The following FAM228B variants were observed in gnomAD, a reference collection of about 807,000 sequenced individuals.
The protein encoded by FAM228B is protein FAM228B.
In FAM228B, 38 loss-of-function variants were observed where a neutral mutation model predicts 42.6. The observed-to-expected ratio is 0.89, with a 90% confidence interval of 0.69 to 1.17. The LOEUF is 1.17. Ranked by LOEUF, FAM228B falls within the 50% of genes most tolerant of loss-of-function variation. The probability of loss-of-function intolerance (pLI) is 0.00; values close to 1 mark genes in which losing one functional copy is unlikely to be tolerated. For synonymous variants in FAM228B, 109 were observed against 122.3 expected, an observed-to-expected ratio of 0.89 and a Z score of 0.72; for missense variants, 344 against 367.3, an observed-to-expected ratio of 0.94 and a Z score of 0.52.
At chr2:24,094,747 T>G (rs955045726) in intron 2 of FAM228B, among the ~76,000 whole-genome samples, 22 of 152,206 alleles carry the variant, frequency 1.4e-4, no homozygotes, top group African/African-American at 5.3e-4. Flanking sequence ...CCTCTCTAAG[T>G]GCTGAGTTTA....
At chr2:24,115,293 G>A in intron 3 of FAM228B, 1 of 387,072 alleles carries the variant, frequency 2.6e-6, no homozygotes, top group Non-Finnish European at 4.8e-6. Flanking sequence ...AGCAAGGTGT[G>A]TAGGAGTACA....
intron 5 of FAM228B, among the ~76,000 whole-genome samples, chr2:24,143,300 C>T (rs1666801638): frequency 6.6e-6 from 1 of 151,900 alleles, no homozygotes; most frequent in Non-Finnish European, 1.5e-5. Flanking sequence ...CCTGCCTCAG[C>T]CTCCCGAGTA....
At chr2:24,154,249 G>C (rs1168790367) in intron 7 of FAM228B, among the ~76,000 whole-genome samples, 1 of 152,194 alleles carries the variant, frequency 6.6e-6, no homozygotes, top group African/African-American at 2.4e-5. Context: ...TCCAGTGCGG[G>C]GAATAAAGGG....
In FAM228B at chr2:24,169,454, G is replaced by T; in HGVS notation, c.*113G>T. Reference sequence around the variant, plus strand: ...GGAAGTCATCTGCTCACAGGAATCAGGGTGAAGGCCAAGGACGGCACTCAA... The same window carrying T: ...GGAAGTCATCTGCTCACAGGAATCATGGTGAAGGCCAAGGACGGCACTCAA... On this transcript the variant is annotated 3_prime_UTR_variant, in exon 11 of 11. Coordinates refer to ENST00000615575, the MANE Select transcript of FAM228B (RefSeq NM_001145710.2). The surrounding 1 kb of genome is among the most constrained non-coding windows in gnomAD (Gnocchi z 4.2). The T allele has an allele frequency of 2.4e-6, 1 of 416,346 alleles. No individual in the cohort carries two copies. The highest frequency in any genetic ancestry group is 5.4e-6 in the Non-Finnish European group (1 of 185,200). The allele number at this position is 416,346 out of a possible 1,614,324, so 25.8% of individuals were successfully genotyped here. A position where few individuals can be genotyped will look rare whatever the true frequency, so the allele number is the denominator to read the frequency against.
intron 7 of FAM228B, among the ~76,000 whole-genome samples, chr2:24,159,599 T>C (rs1667241309): frequency 6.6e-6 from 1 of 152,220 alleles, no homozygotes; most frequent in African/African-American, 2.4e-5. Context: ...AAGTTACCAA[T>C]AGGAGTTCGG....
chr2:24,096,661 G>T (rs927628780), intron 3 of FAM228B: 2 of 152,186 alleles, frequency 1.3e-5, no homozygotes, highest in African/African-American at 4.8e-5. Flanking sequence ...TGTTTGATTG[G>T]TGTACCTGGA....
In FAM228B at chr2:24,097,121, G is replaced by A. The variant is rs1172620582; in HGVS notation, c.-121+1892G>A. Reference sequence around the variant, plus strand: ...GGCCTGCCTTACGAGAGCTCCTAAAGGAAGCACTAAACATGGAAAGGAACA... The same window carrying A: ...GGCCTGCCTTACGAGAGCTCCTAAAAGAAGCACTAAACATGGAAAGGAACA... On this transcript the variant is annotated intron_variant, in intron 3 of 10. Transcript: ENST00000613899. 2.0e-5 allele frequency: 3 copies of A among 152,202 alleles called. No individual in the cohort carries two copies. The East Asian group carries it at 5.8e-4, about 29-fold the overall frequency. The allele number at this position is 152,202 out of a possible 1,614,324, so 9.4% of individuals were successfully genotyped here.
intron 8 of FAM228B, among the ~76,000 whole-genome samples, chr2:24,163,082 A>T (rs1236944353): frequency 2.0e-5 from 3 of 152,210 alleles, no homozygotes; most frequent in African/African-American, 7.2e-5. Flanking sequence ...ACACCTTATT[A>T]AAATTGTTCA....
Position 24,100,176 on chromosome 2 carries a change from C to A in FAM228B, c.-121+4947C>A, listed in dbSNP as rs555254255. On this transcript the variant is annotated intron_variant, in intron 3 of 10. Coordinates refer to the FAM228B transcript ENST00000613899. ...AAACCATAAAAACCCTAGAAGAAAA[C>A]CTAGGCAATACCATTCAGGACGTAG... is the stretch of plus-strand genomic sequence containing the variant. 3.3e-5 allele frequency among the ~76,000 whole-genome samples: 5 copies of A among 152,272 alleles called. No homozygotes were observed. In the East Asian group the frequency reaches 9.6e-4, roughly 29 times the overall value.
intron 3 of FAM228B, chr2:24,115,501 T>C (rs1665884828): frequency 2.5e-5 from 33 of 1,297,030 alleles, no homozygotes; most frequent in Non-Finnish European, 3.5e-5. Flanking sequence ...CTAGTGTTTT[T>C]TCAACCATAA....
chr2:24,085,488 T>G (rs1184817084), intron 2 of FAM228B, among the ~76,000 whole-genome samples: 2 of 152,136 alleles, frequency 1.3e-5, no homozygotes, highest in Non-Finnish European at 2.9e-5. Context: ...GTAGCACTCC[T>G]TGTAAATTCC....
At chr2:24,142,725 T>TC (rs1666784161) in intron 5 of FAM228B, 1 of 152,236 alleles carries the variant, frequency 6.6e-6, no homozygotes, top group Non-Finnish European at 1.5e-5. Flanking sequence ...CTACTGACAA[T>TC]ATTTGTTGCC....
At chr2:24,166,690 C>T (rs1667423261) in intron 9 of FAM228B, 4 of 148,958 alleles carry the variant, frequency 2.7e-5, no homozygotes, top group Non-Finnish European at 5.9e-5. Context: ...ATAAGGAAAA[C>T]AAAGCAGGTA....
chr2:24,149,819 A>C (rs1666984537), intron 7 of FAM228B, among the ~76,000 whole-genome samples: 1 of 152,208 alleles, frequency 6.6e-6, no homozygotes, highest in Non-Finnish European at 1.5e-5. Flanking sequence ...AGTGTGAGCC[A>C]CTGCACCTGG....
At chr2:24,160,671 T>C (rs1245190852) in intron 7 of FAM228B, among the ~76,000 whole-genome samples, 3 of 152,212 alleles carry the variant, frequency 2.0e-5, no homozygotes, top group African/African-American at 4.8e-5. Flanking sequence ...GTTCCTTTTC[T>C]TCTTCAAGCA....
At chr2:24,090,262 C>T (rs4665656) in intron 2 of FAM228B, among the ~76,000 whole-genome samples, 65,425 of 151,242 alleles carry the variant, frequency 0.43, 14,990 homozygotes, top group East Asian at 0.77. Context: ...AGTGAGACTC[C>T]GTCTCAAAAA....
chr2:24,139,872 A>G (rs1273314568), intron 5 of FAM228B, among the ~76,000 whole-genome samples: 5 of 152,174 alleles, frequency 3.3e-5, no homozygotes, highest in Non-Finnish European at 5.9e-5. Flanking sequence ...ATGTATTCAC[A>G]TTTTTATTTT....
At chr2:24,110,449 G>A (rs1425943728) in intron 3 of FAM228B, among the ~76,000 whole-genome samples, 1 of 152,152 alleles carries the variant, frequency 6.6e-6, no homozygotes, top group Non-Finnish European at 1.5e-5. Context: ...TGACTTCTGG[G>A]GAGGAAAAGT....
At chr2:24,082,657 G>A (rs1313069500) in intron 2 of FAM228B, among the ~76,000 whole-genome samples, 2 of 152,088 alleles carry the variant, frequency 1.3e-5, no homozygotes, top group Non-Finnish European at 2.9e-5. Context: ...TGGGCGTCCG[G>A]TGTTAACATG....
Sources: gnomAD v4.1 joint callset for allele counts (sites outside exome capture counted in the v4.1 genomes callset) on GRCh38, gnomAD v4.1.1 for gene constraint, Gnocchi (gnomAD v3.1) non-coding constraint, MANE v1.5 for transcripts, NCBI Gene and HGNC (gene_info 2026-07-23, HGNC 2026-07-21) for gene names.